ABCA12: variants seen among roughly 807,000 people sequenced by gnomAD.
The protein encoded by ABCA12 is ATP binding cassette subfamily A member 12.
In ABCA12, 156 loss-of-function variants were observed where a neutral mutation model predicts 293.5. That is an observed-to-expected ratio of 0.53 (90% CI 0.47 to 0.61). The LOEUF (loss-of-function observed/expected upper bound fraction) is 0.61. Ranked by LOEUF, ABCA12 falls within the 20% of genes least tolerant of loss-of-function variation. The pLI, the probability that ABCA12 is intolerant of heterozygous loss-of-function variation, is 0.00. For synonymous variants in ABCA12, 1,063 were observed against 1,108.0 expected (o/e 0.96, Z 0.81); for missense variants, 2,797 against 3,090.2 (o/e 0.91, Z 2.25).
intron 4 of ABCA12, among the ~76,000 whole-genome samples, chr2:215,052,900 G>A (rs529901160): frequency 6.6e-6 from 1 of 152,002 alleles, no homozygotes; most frequent in Non-Finnish European, 1.5e-5. Context: ...AATCATTTCT[G>A]TGCAGGCCTG....
Position 214,983,642 on chromosome 2 carries a change from CTTGCCTTT to C in ABCA12, c.4379_4382+4del. 6.2e-7 allele frequency: 1 copy of C among 1,613,616 alleles called. No homozygotes were observed. ...ACTTAGGTTCTCATTCCTGTCTTAA[CTTGCCTTT>C]TTACTTCCTCGTGGAGCTGCTTTTT... is the stretch of plus-strand genomic sequence containing the variant. On this transcript the variant is annotated splice_donor_variant and splice_donor_region_variant and coding_sequence_variant and intron_variant, in exon 29 of 53. Coordinates refer to ENST00000272895, the MANE Select transcript of ABCA12 (RefSeq NM_173076.3). LOFTEE classifies it high-confidence loss of function.
At chr2:215,053,506 C>G (rs896672955) in intron 4 of ABCA12, among the ~76,000 whole-genome samples, 1 of 152,040 alleles carries the variant, frequency 6.6e-6, no homozygotes, top group Non-Finnish European at 1.5e-5. Flanking sequence ...CTTACTGGAC[C>G]ATAACATTAT....
At chr2:215,013,590 T>G (rs1198369166) in intron 15 of ABCA12, 1 of 154,356 alleles carries the variant, frequency 6.5e-6, no homozygotes, top group African/African-American at 2.4e-5. Flanking sequence ...CACATTAACG[T>G]GAAATAAATT....
At chr2:214,970,811 A>G (rs1699369598) in intron 36 of ABCA12, among the ~76,000 whole-genome samples, 1 of 152,176 alleles carries the variant, frequency 6.6e-6, no homozygotes. Context: ...TCAAGGATTG[A>G]TAGCAGTGGA....
chr2:215,051,167 G>A (rs928007779), intron 5 of ABCA12, among the ~76,000 whole-genome samples: 3 of 152,164 alleles, frequency 2.0e-5, no homozygotes, highest in African/African-American at 7.2e-5. Flanking sequence ...GTAAGAACTG[G>A]AATGGAATAG....
intron 49 of ABCA12, among the ~76,000 whole-genome samples, chr2:214,943,979 T>A (rs1048062047): frequency 2.6e-5 from 4 of 152,200 alleles, no homozygotes; most frequent in African/African-American, 9.7e-5. Context: ...GACAAGGCCA[T>A]CCTCATAAGA....
chr2:215,114,839 G>C (rs1012998522), intron 1 of ABCA12, among the ~76,000 whole-genome samples: 1 of 152,148 alleles, frequency 6.6e-6, no homozygotes, highest in Non-Finnish European at 1.5e-5. Flanking sequence ...TCATAGTTAT[G>C]AAAGTATTCA....
chr2:215,122,809 G>T (rs759542053), intron 1 of ABCA12, among the ~76,000 whole-genome samples: 1 of 152,086 alleles, frequency 6.6e-6, no homozygotes, highest in African/African-American at 2.4e-5. Flanking sequence ...AAAAATTTGC[G>T]ATTTGGGGGT....
chr2:214,978,508 C>A (rs753127863), intron 32 of ABCA12, 42 bp from the exon 33 acceptor site: 2 of 1,597,882 alleles, frequency 1.3e-6, no homozygotes, highest in South Asian at 2.2e-5. Flanking sequence ...ATGAAAAGTG[C>A]ATGTCTTTTC....
In ABCA12 at chr2:214,974,759, A is replaced by T; in HGVS notation, c.5468+19T>A. 1.2e-6 allele frequency: 2 copies of T among 1,612,914 alleles called. No individual in the cohort carries two copies. The highest frequency in any genetic ancestry group is 2.2e-5 in the East Asian group (1 of 44,868). On this transcript the variant is annotated intron_variant, in intron 35 of 52. Coordinates refer to ENST00000272895, the MANE Select transcript of ABCA12 (RefSeq NM_173076.3). ...CTGGAATGCTGAAAACAAAAAATAGAAGAGCAAGAACCACTTACAGATCAC... is the reference window on the plus strand; with the variant it reads ...CTGGAATGCTGAAAACAAAAAATAGTAGAGCAAGAACCACTTACAGATCAC...
chr2:214,989,010 C>T (rs1189218776), intron 26 of ABCA12, among the ~76,000 whole-genome samples: 1 of 150,266 alleles, frequency 6.7e-6, no homozygotes, highest in Non-Finnish European at 1.5e-5. Flanking sequence ...GAAACCCCGG[C>T]TCTATTAAAA....
At chr2:215,053,855 C>G (rs1020113087) in intron 4 of ABCA12, among the ~76,000 whole-genome samples, 2 of 152,012 alleles carry the variant, frequency 1.3e-5, no homozygotes, top group African/African-American at 4.8e-5. Context: ...TGAATGTTAG[C>G]CAGTCGTGCT....
chr2:215,094,776 C>T (rs539722105), intron 2 of ABCA12, among the ~76,000 whole-genome samples: 3 of 152,278 alleles, frequency 2.0e-5, no homozygotes, highest in East Asian at 3.9e-4. Context: ...CGAACCGCCC[C>T]CTCTACCCAG....
In ABCA12 at chr2:215,008,809, G is replaced by T. The variant is rs139285651; in HGVS notation, c.2473-963C>A. 1.7e-3 allele frequency among the ~76,000 whole-genome samples: 259 copies of T among 152,164 alleles called. 1 individual carries two copies. The highest frequency in any genetic ancestry group is 5.9e-3 in the African/African-American group (244 of 41,528). On this transcript the variant is annotated intron_variant, in intron 18 of 52. Transcript: ENST00000272895. The stretch of plus-strand genomic sequence containing the variant: ...CAAAAAGGGGAAAAAAAAAGACCAC[G>T]CTTAAAACATAAGCTCATATGCTGC...
At chr2:215,008,640 A>G (rs1700305233) in intron 18 of ABCA12, among the ~76,000 whole-genome samples, 1 of 152,146 alleles carries the variant, frequency 6.6e-6, no homozygotes, top group Admixed American at 6.6e-5. Flanking sequence ...GCTTATGAAT[A>G]TATGTGGTAT....
chr2:214,956,631 ATTC>A lies in ABCA12; in HGVS notation c.6233+29_6233+31del, dbSNP rs528421007. Reference sequence around the variant, plus strand: ...TGTCTAGGGGCATTTAATTCTATTAATTCTTCTTTCATTGCTTAATCAGCAGCT... The same window carrying A: ...TGTCTAGGGGCATTTAATTCTATTAATTCTTTCATTGCTTAATCAGCAGCT... On this transcript the variant is annotated intron_variant, in intron 42 of 52. Coordinates refer to ENST00000272895, the MANE Select transcript of ABCA12 (RefSeq NM_173076.3). 2.4e-5 allele frequency: 36 copies of A among 1,489,094 alleles called. No individual in the cohort carries two copies. The East Asian group carries it at 7.9e-4, about 33-fold the overall frequency. 92.2% of individuals were successfully genotyped at this position (1,489,094 alleles called of 1,614,324 possible).
chr2:215,098,052 AG>A (rs1702283328), intron 2 of ABCA12, among the ~76,000 whole-genome samples: 1 of 152,204 alleles, frequency 6.6e-6, no homozygotes, highest in Admixed American at 6.5e-5. Flanking sequence ...AAGTTTTCAC[AG>A]GAGTTAGGTT....
intron 1 of ABCA12, among the ~76,000 whole-genome samples, chr2:215,134,599 C>CTCTCTATA (rs1278151109): frequency 1.2e-5 from 1 of 85,252 alleles, no homozygotes; most frequent in African/African-American, 7.7e-5. Context: ...CTCTCTCTCT[C>CTCTCTATA]TATATATATA....
chr2:215,050,703 G>A (rs1701303001), intron 5 of ABCA12: 1 of 788,330 alleles, frequency 1.3e-6, no homozygotes, highest in Non-Finnish European at 1.5e-6. Flanking sequence ...AATGGAACAA[G>A]ACAGAATCCA....
Sources: gnomAD v4.1 joint callset for allele counts (sites outside exome capture counted in the v4.1 genomes callset) on GRCh38, gnomAD v4.1.1 for gene constraint, MANE v1.5 for transcripts, NCBI Gene and HGNC (gene_info 2026-07-23, HGNC 2026-07-21) for gene names.